ZMYM2: variants seen among roughly 807,000 people sequenced by gnomAD.
ZMYM2 encodes zinc finger MYM-type protein 2.
In ZMYM2, 56 loss-of-function variants were observed where a neutral mutation model predicts 162.8. That is an observed-to-expected ratio of 0.34 (90% CI 0.28 to 0.43). ZMYM2 has a LOEUF of 0.43. ZMYM2 is among the 20% of genes least tolerant of loss of function. ZMYM2 has a pLI of 1.00. For synonymous variants in ZMYM2, 510 were observed against 541.6 expected, an observed-to-expected ratio of 0.94 and a Z score of 0.81; for missense variants, 1,275 against 1,621.8, an observed-to-expected ratio of 0.79 and a Z score of 3.67.
chr13:19,888,723 C>G, the ZMYM2 span, among the ~76,000 whole-genome samples: 2 of 151,888 alleles, frequency 1.3e-5, no homozygotes, highest in African/African-American at 4.8e-5. Flanking sequence ...CCTTGGCCTC[C>G]TGAGTCGCTG....
chr13:19,871,371 A>G, the ZMYM2 span, among the ~76,000 whole-genome samples: 6 of 152,222 alleles, frequency 3.9e-5, no homozygotes, highest in African/African-American at 1.4e-4. Context: ...TGATAAAAAA[A>G]GAACAATTAA....
At chr13:19,946,772 TATA>T in the ZMYM2 span, among the ~76,000 whole-genome samples, 2 of 152,230 alleles carry the variant, frequency 1.3e-5, no homozygotes, top group Admixed American at 1.3e-4. Context: ...ATAGTATGTT[TATA>T]ATAATGACTA....
At chr13:19,971,791 A>G (rs537399974) in intron 2 of ZMYM2, among the ~76,000 whole-genome samples, 44 of 152,092 alleles carry the variant, frequency 2.9e-4, no homozygotes, top group Non-Finnish European at 5.1e-4. Context: ...CCAGATTTCT[A>G]TTATTGAGTC....
the ZMYM2 span, among the ~76,000 whole-genome samples, chr13:19,904,538 A>C: frequency 6.6e-6 from 1 of 152,182 alleles, no homozygotes; most frequent in Non-Finnish European, 1.5e-5. Flanking sequence ...AGCCTGGGCA[A>C]CAAGAGTGAA....
the ZMYM2 span, among the ~76,000 whole-genome samples, chr13:19,945,882 G>C: frequency 2.5e-4 from 36 of 146,540 alleles, no homozygotes; most frequent in Non-Finnish European, 4.3e-4. Context: ...TTGGGAGGCA[G>C]AGGTTGTGGT....
At chr13:20,033,387 G>A (rs1217434794) in intron 10 of ZMYM2, among the ~76,000 whole-genome samples, 3 of 152,146 alleles carry the variant, frequency 2.0e-5, no homozygotes, top group African/African-American at 4.8e-5. Flanking sequence ...CCCCCTGGGA[G>A]ATTGAGAATT....
intron 3 of ZMYM2, among the ~76,000 whole-genome samples, chr13:19,995,329 G>A (rs1482828142): frequency 6.6e-6 from 1 of 151,904 alleles, no homozygotes; most frequent in Admixed American, 6.6e-5. Flanking sequence ...CGTATCTTTA[G>A]CTTTTAGTTA....
intron 21 of ZMYM2, among the ~76,000 whole-genome samples, chr13:20,075,954 C>A (rs1387728023): frequency 6.6e-6 from 1 of 152,010 alleles, no homozygotes; most frequent in Non-Finnish European, 1.5e-5. Flanking sequence ...CCTCAGCCTC[C>A]CAAAGTTCTA....
At chr13:19,939,148 C>A in the ZMYM2 span, among the ~76,000 whole-genome samples, 1 of 151,196 alleles carries the variant, frequency 6.6e-6, no homozygotes, top group South Asian at 2.1e-4. Flanking sequence ...CTCAGGCTCC[C>A]GAGTAACTGG....
Position 20,041,845 on chromosome 13 carries a change from A to G in ZMYM2, c.2292+4936A>G, listed in dbSNP as rs375530871. On this transcript the variant is annotated intron_variant, in intron 12 of 24. Transcript: ENST00000610343. Reference sequence around the variant, plus strand: ...TATGGAATTCTGGTTGGCAGGTGGCACTGGTGTTAAATTAAAAAAAAAGGG... The same window carrying G: ...TATGGAATTCTGGTTGGCAGGTGGCGCTGGTGTTAAATTAAAAAAAAAGGG... Among the ~76,000 whole-genome samples, 156 of 150,442 alleles carry G rather than the reference A, an allele frequency of 1.0e-3. 1 individual carries two copies. In the Middle Eastern group the frequency reaches 0.014, roughly 13 times the overall value.
the ZMYM2 span, among the ~76,000 whole-genome samples, chr13:19,939,502 G>A: frequency 6.6e-6 from 1 of 152,006 alleles, no homozygotes; most frequent in Admixed American, 6.6e-5. Flanking sequence ...TACTTCAACT[G>A]TCAATAAATG....
intron 3 of ZMYM2, among the ~76,000 whole-genome samples, chr13:19,998,843 C>T (rs894245390): frequency 2.7e-4 from 41 of 152,082 alleles, no homozygotes; most frequent in Admixed American, 2.5e-3. Flanking sequence ...TATTTTGTAC[C>T]GCAAGGAAAA....
chr13:19,961,887 A>C (rs1398578110), intron 2 of ZMYM2, among the ~76,000 whole-genome samples: 1 of 152,236 alleles, frequency 6.6e-6, no homozygotes, highest in Non-Finnish European at 1.5e-5. Context: ...CTTTTATTAT[A>C]CAGTAGGAAC....
intron 14 of ZMYM2, among the ~76,000 whole-genome samples, chr13:20,054,059 A>G (rs1010656796): frequency 3.3e-5 from 5 of 152,230 alleles, no homozygotes; most frequent in Non-Finnish European, 7.3e-5. Flanking sequence ...ATTAATAGGG[A>G]AGGATAAGTA....
the ZMYM2 span, among the ~76,000 whole-genome samples, chr13:19,869,545 T>C: frequency 1.3e-5 from 2 of 152,218 alleles, no homozygotes; most frequent in Non-Finnish European, 2.9e-5. Context: ...CCTAGCACTT[T>C]GGGAGGCCGA....
rs866169773 is a variant in ZMYM2 at position 19,993,520 on chromosome 13, A to G, written c.448A>G (p.Thr150Ala). ...ERRPPETKNR[T>A]NDVDFSTSSF... is the part of the protein sequence containing the mutation. The stretch of plus-strand genomic sequence containing the variant: ...AAGACCTCCTGAGACTAAAAACAGA[A>G]CCAATGATGTGGATTTCTCCACTTC... Residue 150 changes from threonine (T) to alanine (A), a missense_variant, in exon 3 of 25, where the codon ACC becomes GCC. By Grantham distance (58) the Thr-to-Ala change is moderately conservative. Around this residue, in one of 10 missense-constraint regions of ZMYM2, gnomAD observed 295 missense variants for 286.7 expected, o/e 1.03. Transcript: ENST00000610343. 1 of 1,613,996 alleles carries G rather than the reference A, an allele frequency of 6.2e-7. No homozygotes were observed. Among genetic ancestry groups the G allele is most frequent in the Admixed American group, 1.7e-5 (1 of 60,004 alleles).
the ZMYM2 span, among the ~76,000 whole-genome samples, chr13:19,951,377 G>A: frequency 6.6e-6 from 1 of 151,918 alleles, no homozygotes; most frequent in Non-Finnish European, 1.5e-5. Context: ...TCAATAGGAA[G>A]AAAGCAACCT....
chr13:20,084,650 G>A (rs1357243229), intron 24 of ZMYM2, among the ~76,000 whole-genome samples: 1 of 152,142 alleles, frequency 6.6e-6, no homozygotes, highest in Non-Finnish European at 1.5e-5. Context: ...ATGGAATCAT[G>A]TTCTGGAATT....
intron 24 of ZMYM2, among the ~76,000 whole-genome samples, chr13:20,084,333 A>G (rs1056257387): frequency 6.6e-5 from 10 of 152,226 alleles, no homozygotes; most frequent in African/African-American, 1.4e-4. Flanking sequence ...AATTACAGCA[A>G]TTCCAATGAC....
Sources: gnomAD v4.1 joint callset for allele counts (sites outside exome capture counted in the v4.1 genomes callset) on GRCh38, gnomAD v4.1.1 for gene constraint, gnomAD v4.1.1 regional missense constraint, MANE v1.5 for transcripts, NCBI Gene and HGNC (gene_info 2026-07-23, HGNC 2026-07-21) for gene names.